ADCY2: variants seen among roughly 807,000 people sequenced by gnomAD.
The protein encoded by ADCY2 is adenylate cyclase type 2.
ADCY2 carries 31 observed loss-of-function variants against 125.2 expected under a neutral mutation model. The ratio of observed to expected loss-of-function variants is 0.25; its 90% CI spans 0.19 to 0.33. The LOEUF (loss-of-function observed/expected upper bound fraction) is 0.33. Ranked by LOEUF, ADCY2 falls within the 10% of genes least tolerant of loss-of-function variation. The pLI is 1.00. For missense variants in ADCY2, 904 were observed against 1,418.2 expected, an observed-to-expected ratio of 0.64 and a Z score of 5.82; for synonymous variants, 512 against 548.4, an observed-to-expected ratio of 0.93 and a Z score of 0.93.
intron 17 of ADCY2, among the ~76,000 whole-genome samples, chr5:7,769,071 C>T (rs570142666): frequency 1.3e-5 from 2 of 152,316 alleles, no homozygotes; most frequent in Admixed American, 6.5e-5. Context: ...ATGCCCAGTT[C>T]ACTGCTGGTG....
intron 4 of ADCY2, among the ~76,000 whole-genome samples, chr5:7,670,051 G>A (rs960901985): frequency 6.6e-6 from 1 of 152,180 alleles, no homozygotes; most frequent in Non-Finnish European, 1.5e-5. Flanking sequence ...AGACAGTTAA[G>A]TTGTCACCAA....
At chr5:7,777,055 C>CTA (rs35756313) in intron 18 of ADCY2, among the ~76,000 whole-genome samples, 62,632 of 149,108 alleles carry the variant, frequency 0.42, 13,467 homozygotes, top group Non-Finnish European at 0.48. Flanking sequence ...AAACTCCCTT[C>CTA]TATATATATA....
intron 3 of ADCY2, among the ~76,000 whole-genome samples, chr5:7,559,677 G>A (rs557020964): frequency 1.3e-5 from 2 of 152,212 alleles, no homozygotes; most frequent in South Asian, 4.2e-4. Context: ...TCTTTCTGTT[G>A]CCTGTTAGCC....
chr5:7,672,306 A>G (rs1010547565), intron 4 of ADCY2, among the ~76,000 whole-genome samples: 2 of 152,196 alleles, frequency 1.3e-5, no homozygotes, highest in African/African-American at 4.8e-5. Flanking sequence ...GATGAAGGAT[A>G]TAAACTTTAT....
intron 14 of ADCY2, among the ~76,000 whole-genome samples, chr5:7,728,041 A>T (rs1467276240): frequency 6.6e-6 from 1 of 151,220 alleles, no homozygotes; most frequent in Non-Finnish European, 1.5e-5. Context: ...TTTAAGATAG[A>T]TTTTTTTTTC....
intron 18 of ADCY2, among the ~76,000 whole-genome samples, 163 bp downstream of exon 18, chr5:7,773,264 T>G (rs1475713164): frequency 6.6e-6 from 1 of 152,238 alleles, no homozygotes; most frequent in African/African-American, 2.4e-5. Flanking sequence ...TATGTGTTTT[T>G]GTTATAGATT....
intron 2 of ADCY2, among the ~76,000 whole-genome samples, chr5:7,417,473 C>G (rs1739999208): frequency 6.6e-6 from 1 of 152,080 alleles, no homozygotes; most frequent in Non-Finnish European, 1.5e-5. Flanking sequence ...TTATTTTAGC[C>G]AGGATTTCTA....
At chr5:7,813,397 A>G (rs528877972) in intron 22 of ADCY2, among the ~76,000 whole-genome samples, 7 of 152,320 alleles carry the variant, frequency 4.6e-5, no homozygotes, top group African/African-American at 1.4e-4. Flanking sequence ...TTATAAAATC[A>G]TCTTGGTAAA....
rs1413551745 is a variant in ADCY2 at position 7,828,411 on chromosome 5, A to G, written c.*1540A>G. On this transcript the variant is annotated 3_prime_UTR_variant, in exon 25 of 25. Coordinates refer to ENST00000338316, the MANE Select transcript of ADCY2 (RefSeq NM_020546.3). ...CTTAGGAGTACTTTCCTTATTGGCAACTTATGGACTCGCTAGTGATTAAAC... is the reference window on the plus strand; with the variant it reads ...CTTAGGAGTACTTTCCTTATTGGCAGCTTATGGACTCGCTAGTGATTAAAC... 1 of 152,164 alleles carries G rather than the reference A, an allele frequency of 6.6e-6. No individual in the cohort carries two copies. The highest frequency in any genetic ancestry group is 1.5e-5 in the Non-Finnish European group (1 of 68,042). 9.4% of individuals were successfully genotyped at this position (152,164 alleles called of 1,614,324 possible).
intron 16 of ADCY2, among the ~76,000 whole-genome samples, chr5:7,761,137 TCTTTTC>T (rs1420556067): frequency 0.027 from 2,267 of 83,860 alleles, 171 homozygotes; most frequent in African/African-American, 0.092. Context: ...AAATTTCTTT[TCTTTTC>T]TTTTCTTTTT....
chr5:7,709,204 C>A lies in ADCY2; in HGVS notation c.1402-7C>A. The A allele has an allele frequency of 2.5e-6, 4 of 1,603,254 alleles. No homozygotes were observed. Among genetic ancestry groups the A allele is most frequent in the South Asian group, 2.2e-5 (2 of 88,986 alleles). Reference sequence around the variant, plus strand: ...GCCAGGTGTGATGCTTTGTTTCTCACCCCAAGGGAGAACGACGGAGCCCCC... The same window carrying A: ...GCCAGGTGTGATGCTTTGTTTCTCAACCCAAGGGAGAACGACGGAGCCCCC... On this transcript the variant is annotated splice_region_variant and splice_polypyrimidine_tract_variant and intron_variant, in intron 9 of 24. Transcript: ENST00000338316. The surrounding 1 kb of genome is among the most constrained non-coding windows in gnomAD (Gnocchi z 4.4).
At chr5:7,754,797 C>T (rs1485571564) in intron 15 of ADCY2, among the ~76,000 whole-genome samples, 2 of 151,526 alleles carry the variant, frequency 1.3e-5, no homozygotes, top group Non-Finnish European at 1.5e-5. Context: ...GCGGAGGTTG[C>T]AGTGAGCAGA....
At chr5:7,517,102 A>G (rs1305006039) in intron 2 of ADCY2, among the ~76,000 whole-genome samples, 1 of 152,204 alleles carries the variant, frequency 6.6e-6, no homozygotes, top group Non-Finnish European at 1.5e-5. Flanking sequence ...AGATGCAAGT[A>G]GAAGATACGT....
chr5:7,706,035 T>C (rs1741257110), intron 7 of ADCY2, among the ~76,000 whole-genome samples: 1 of 152,208 alleles, frequency 6.6e-6, no homozygotes, highest in African/African-American at 2.4e-5. Context: ...TCGATGTAAC[T>C]AGGAACATCT....
At chr5:7,779,993 C>T (rs1410082969) in intron 18 of ADCY2, among the ~76,000 whole-genome samples, 1 of 152,158 alleles carries the variant, frequency 6.6e-6, no homozygotes, top group Non-Finnish European at 1.5e-5. Flanking sequence ...AGCCACGGGC[C>T]AGGAGGAAGT....
intron 2 of ADCY2, among the ~76,000 whole-genome samples, chr5:7,482,668 AT>A: frequency 6.6e-6 from 1 of 151,792 alleles, no homozygotes; most frequent in East Asian, 1.9e-4. Context: ...TATCAAAGAG[AT>A]ACCTGCACCT....
At chr5:7,417,989 C>A (rs904302369) in intron 2 of ADCY2, among the ~76,000 whole-genome samples, 1 of 152,024 alleles carries the variant, frequency 6.6e-6, no homozygotes, top group Non-Finnish European at 1.5e-5. Flanking sequence ...ACCTTTTTTG[C>A]TGTTGTTGTT....
At chr5:7,800,226 G>C (rs1253574171) in intron 20 of ADCY2, 1 of 152,194 alleles carries the variant, frequency 6.6e-6, no homozygotes, top group Non-Finnish European at 1.5e-5. Flanking sequence ...TGCACTTAAA[G>C]TGTTCAGAGA....
intron 1 of ADCY2, among the ~76,000 whole-genome samples, chr5:7,406,416 A>T (rs1451311939): frequency 2.0e-5 from 3 of 152,170 alleles, no homozygotes; most frequent in Admixed American, 6.5e-5. Context: ...TAACCACAGT[A>T]AACCCTTCTG....
Sources: gnomAD v4.1 joint callset for allele counts (sites outside exome capture counted in the v4.1 genomes callset) on GRCh38, gnomAD v4.1.1 for gene constraint, Gnocchi (gnomAD v3.1) non-coding constraint, MANE v1.5 for transcripts, NCBI Gene and HGNC (gene_info 2026-07-23, HGNC 2026-07-21) for gene names.